LEPR: variants seen among roughly 807,000 people sequenced by gnomAD.
LEPR encodes OB receptor.
LEPR carries 56 observed loss-of-function variants against 114.7 expected under a neutral mutation model. That is an observed-to-expected ratio of 0.49 (90% CI 0.39 to 0.61). The LOEUF is 0.61. Among genes scored for constraint, LEPR ranks in the 20% least tolerant of loss-of-function variants. LEPR has a pLI of 0.00. For missense variants in LEPR, 1,202 were observed against 1,352.9 expected (o/e 0.89, Z 1.75); for synonymous variants, 443 against 461.4 (o/e 0.96, Z 0.51).
chr1:65,434,977 G>T, intron 2 of LEPR: 2 of 985,490 alleles, frequency 2.0e-6, no homozygotes, highest in Non-Finnish European at 2.4e-6. Flanking sequence ...GCATTGGGCC[G>T]ACTGCCATTC....
chr1:65,625,985 C>T, intron 19 of LEPR: 2 of 707,202 alleles, frequency 2.8e-6, no homozygotes, highest in East Asian at 2.8e-5. Flanking sequence ...ACTCTCTCTT[C>T]AGCATTTAAG....
intron 2 of LEPR, among the ~76,000 whole-genome samples, chr1:65,463,395 T>G (rs1180166411): frequency 6.6e-6 from 1 of 152,216 alleles, no homozygotes; most frequent in Non-Finnish European, 1.5e-5. Flanking sequence ...TCTGTTTTGG[T>G]ACCAGTACCA....
chr1:65,626,241 C>G, intron 19 of LEPR: 4 of 1,480,990 alleles, frequency 2.7e-6, no homozygotes, highest in Non-Finnish European at 3.6e-6. Flanking sequence ...AATGCTGCCA[C>G]AGGTCATCTG....
At chr1:65,434,114 G>A (rs1197859204) in intron 2 of LEPR, 11 of 983,612 alleles carry the variant, frequency 1.1e-5, no homozygotes, top group Non-Finnish European at 1.3e-5. Context: ...TGTATCTTTA[G>A]ATTGATATAA....
chr1:65,607,650 G>A (rs928300514), intron 11 of LEPR, among the ~76,000 whole-genome samples: 7 of 152,242 alleles, frequency 4.6e-5, no homozygotes, highest in African/African-American at 1.7e-4. Context: ...GATGCTTGGA[G>A]TCATAACAGA....
At chr1:65,422,877 G>A (rs9436738) in intron 1 of LEPR, among the ~76,000 whole-genome samples, 19,152 of 152,184 alleles carry the variant, frequency 0.13, 1,267 homozygotes, top group Non-Finnish European at 0.14. Flanking sequence ...GGATGGCAGC[G>A]GTGATATATA....
At chr1:65,552,768 C>A (rs970084022) in intron 2 of LEPR, among the ~76,000 whole-genome samples, 2 of 152,082 alleles carry the variant, frequency 1.3e-5, no homozygotes, top group African/African-American at 4.8e-5. Context: ...ATGATGCTAG[C>A]TGGTTGTTTT....
chr1:65,628,090 A>C (rs1359327442), intron 19 of LEPR, among the ~76,000 whole-genome samples: 2 of 152,126 alleles, frequency 1.3e-5, no homozygotes, highest in Non-Finnish European at 2.9e-5. Context: ...TGTATTTCTA[A>C]AAGAAAAATG....
At chr1:65,510,040 A>T (rs576946198) in intron 2 of LEPR, among the ~76,000 whole-genome samples, 1 of 152,326 alleles carries the variant, frequency 6.6e-6, no homozygotes, top group Non-Finnish European at 1.5e-5. Context: ...TGGTGATGGA[A>T]ACCACCCTAT....
intron 2 of LEPR, among the ~76,000 whole-genome samples, chr1:65,481,202 C>T (rs1250436781): frequency 1.3e-5 from 2 of 152,172 alleles, no homozygotes; most frequent in African/African-American, 4.8e-5. Flanking sequence ...GATTTGGGCC[C>T]ACCCTAACAG....
intron 3 of LEPR, among the ~76,000 whole-genome samples, chr1:65,566,478 G>A (rs1485661965): frequency 6.6e-6 from 1 of 152,178 alleles, no homozygotes; most frequent in African/African-American, 2.4e-5. Context: ...GGGATTACAG[G>A]CGTGAGCCAC....
chr1:65,481,120 C>T (rs1314172984), intron 2 of LEPR, among the ~76,000 whole-genome samples: 4 of 152,186 alleles, frequency 2.6e-5, no homozygotes, highest in African/African-American at 7.2e-5. Flanking sequence ...TGTATCCTCA[C>T]GTGGTCTTTC....
intron 2 of LEPR, among the ~76,000 whole-genome samples, chr1:65,528,263 T>G (rs1229499465): frequency 6.6e-6 from 1 of 152,084 alleles, no homozygotes; most frequent in Non-Finnish European, 1.5e-5. Context: ...GAGTTAAAAA[T>G]GAAGAAAAAG....
chr1:65,550,963 C>T (rs779667531), intron 2 of LEPR, among the ~76,000 whole-genome samples: 50 of 151,846 alleles, frequency 3.3e-4, no homozygotes, highest in Non-Finnish European at 6.2e-4. Context: ...CACCTTGGCT[C>T]CTCCCCCCAT....
chr1:65,422,091 A>C (rs879466078), intron 1 of LEPR, among the ~76,000 whole-genome samples: 30 of 152,194 alleles, frequency 2.0e-4, no homozygotes, highest in Non-Finnish European at 4.1e-4. Context: ...TTTGTCCTCC[A>C]AAAAGATGTG....
At chr1:65,491,158 A>AC (rs768573395) in intron 2 of LEPR, among the ~76,000 whole-genome samples, 20 of 152,028 alleles carry the variant, frequency 1.3e-4, no homozygotes, top group Non-Finnish European at 2.8e-4. Flanking sequence ...TCCTTACTAC[A>AC]CCCTAACAAA....
intron 17 of LEPR, 58 bp from the exon 18 acceptor site, chr1:65,621,291 TACAG>T: frequency 7.0e-7 from 1 of 1,422,066 alleles, no homozygotes; most frequent in Non-Finnish European, 9.8e-7. Flanking sequence ...TAATTTTTGA[TACAG>T]AAAGAAATTA....
chr1:65,513,057 T>A (rs912082029), intron 2 of LEPR, among the ~76,000 whole-genome samples: 3 of 152,162 alleles, frequency 2.0e-5, no homozygotes, highest in African/African-American at 7.2e-5. Flanking sequence ...TCATCCAAGC[T>A]CCTGTTTGAA....
chr1:65,489,945 A>G (rs936839120), intron 2 of LEPR, among the ~76,000 whole-genome samples: 2 of 152,070 alleles, frequency 1.3e-5, no homozygotes, highest in African/African-American at 4.8e-5. Flanking sequence ...CCAAGTTTAT[A>G]CTTGATGCGT....
Sources: gnomAD v4.1 joint callset for allele counts (sites outside exome capture counted in the v4.1 genomes callset) on GRCh38, gnomAD v4.1.1 for gene constraint, MANE v1.5 for transcripts, NCBI Gene and HGNC (gene_info 2026-07-23, HGNC 2026-07-21) for gene names.